The following CAMK1D variants were observed in gnomAD, a reference collection of about 807,000 sequenced individuals.
CAMK1D encodes calcium/calmodulin dependent protein kinase ID.
CAMK1D carries 9 observed loss-of-function variants against 47.7 expected under a neutral mutation model. The ratio of observed to expected loss-of-function variants is 0.19; its 90% confidence interval spans 0.11 to 0.33. The LOEUF (loss-of-function observed/expected upper bound fraction) is 0.33, where lower values mean the gene tolerates loss of function less well. Among genes scored for constraint, CAMK1D ranks in the 10% least tolerant of loss-of-function variants. The pLI, the probability that CAMK1D is intolerant of heterozygous loss-of-function variation, is 1.00. For missense variants in CAMK1D, 291 were observed against 488.7 expected (o/e 0.60, Z 3.81); for synonymous variants, 184 against 184.9 (o/e 0.99, Z 0.04).
At chr10:12,456,844 C>T (rs919044089) in intron 1 of CAMK1D, among the ~76,000 whole-genome samples, 16 of 150,562 alleles carry the variant, frequency 1.1e-4, no homozygotes, top group African/African-American at 3.7e-4. Context: ...ACAGGAGGGG[C>T]ATCTGGTGCC....
At chr10:12,564,609 T>C (rs1016192888) in intron 2 of CAMK1D, among the ~76,000 whole-genome samples, 1 of 152,202 alleles carries the variant, frequency 6.6e-6, no homozygotes, top group Non-Finnish European at 1.5e-5. Flanking sequence ...TTTGGGGGAA[T>C]AAATTTTTTC....
At chr10:12,359,212 A>C (rs1837592547) in intron 1 of CAMK1D, among the ~76,000 whole-genome samples, 1 of 152,144 alleles carries the variant, frequency 6.6e-6, no homozygotes, top group African/African-American at 2.4e-5. Context: ...ACTTGGACCT[A>C]ATGTGAGGCT....
chr10:12,358,220 G>C (rs1205916080), intron 1 of CAMK1D, among the ~76,000 whole-genome samples: 1 of 152,030 alleles, frequency 6.6e-6, no homozygotes, highest in Non-Finnish European at 1.5e-5. Context: ...GAGAGACCGT[G>C]TCCCCATAGA....
rs185329071 is a variant in CAMK1D, at chr10:12,572,195, T to C, written c.224+18839T>C. ...TCCCCACCCAAATTTCATCTCTAAT[T>C]GTAATCCCCATGTGTCAAGGGAGGG... On this transcript the variant is annotated intron_variant, in intron 2 of 10. Coordinates refer to ENST00000619168, the MANE Select transcript of CAMK1D (RefSeq NM_153498.4). Among the ~76,000 whole-genome samples, 578 of 152,244 alleles carry C rather than the reference T, an allele frequency of 3.8e-3. 3 individuals are homozygous for C. The Middle Eastern group carries it at 0.041, about 11-fold the overall frequency.
At chr10:12,814,341 C>A in intron 7 of CAMK1D, 34 bp downstream of exon 7, 1 of 1,380,610 alleles carries the variant, frequency 7.2e-7, no homozygotes, top group African/African-American at 1.4e-5. Context: ...CAGTGGGCGG[C>A]CCCCGCGACA....
chr10:12,658,350 C>T (rs185878381), intron 2 of CAMK1D, among the ~76,000 whole-genome samples: 4 of 144,878 alleles, frequency 2.8e-5, no homozygotes, highest in Admixed American at 6.9e-5. Flanking sequence ...CGAGACCTGC[C>T]GGGGTTCAGT....
intron 3 of CAMK1D, among the ~76,000 whole-genome samples, chr10:12,673,666 T>C (rs1234495166): frequency 1.3e-5 from 2 of 152,262 alleles, no homozygotes; most frequent in Admixed American, 1.3e-4. Context: ...TTTAATAGCA[T>C]AATAATATGT....
intron 1 of CAMK1D, among the ~76,000 whole-genome samples, chr10:12,534,969 G>C (rs1835923170): frequency 6.6e-6 from 1 of 152,188 alleles, no homozygotes; most frequent in Non-Finnish European, 1.5e-5. Context: ...CTGCAAGGTT[G>C]GGAACTAGAG....
At chr10:12,631,493 G>A (rs984394426) in intron 2 of CAMK1D, among the ~76,000 whole-genome samples, 4 of 152,122 alleles carry the variant, frequency 2.6e-5, no homozygotes, top group Admixed American at 6.5e-5. Context: ...TAGCCAATCA[G>A]GTAAAGTGTA....
rs201637786 is a variant in CAMK1D, at chr10:12,666,722, A to C, written c.225-14A>C. On this transcript the variant is annotated splice_polypyrimidine_tract_variant and intron_variant, in intron 2 of 10. Coordinates refer to ENST00000619168, the MANE Select transcript of CAMK1D (RefSeq NM_153498.4). ...ATCATACTCACTATTTTGTGCGTCTATTTTTTTTTTCAGGATTAAGCATGA... is the reference window on the plus strand; with the variant it reads ...ATCATACTCACTATTTTGTGCGTCTCTTTTTTTTTTCAGGATTAAGCATGA... The C allele has an allele frequency of 6.4e-6, 9 of 1,407,990 alleles. No homozygotes were observed. Among genetic ancestry groups the C allele is most frequent in the African/African-American group, 2.9e-5 (2 of 69,022 alleles). 87.2% of individuals were successfully genotyped at this position (1,407,990 alleles called of 1,614,324 possible).
At chr10:12,648,606 GATTACAGGCAT>G (rs1274787580) in intron 2 of CAMK1D, among the ~76,000 whole-genome samples, 15 of 152,112 alleles carry the variant, frequency 9.9e-5, no homozygotes, top group Admixed American at 9.8e-4. Context: ...AAGTAGCTGG[GATTACAGGCAT>G]GCGCCACCAT....
At chr10:12,611,451 C>T (rs550624406) in intron 2 of CAMK1D, among the ~76,000 whole-genome samples, 1 of 152,246 alleles carries the variant, frequency 6.6e-6, no homozygotes, top group African/African-American at 2.4e-5. Context: ...TCCAGGTCTG[C>T]TTCCAGGTGA....
At chr10:12,542,024 A>G (rs888823939) in intron 1 of CAMK1D, among the ~76,000 whole-genome samples, 1 of 151,710 alleles carries the variant, frequency 6.6e-6, no homozygotes, top group Non-Finnish European at 1.5e-5. Context: ...ATAGGCATGC[A>G]CCACCATGGC....
At chr10:12,375,109 T>A (rs1223611950) in intron 1 of CAMK1D, among the ~76,000 whole-genome samples, 1 of 152,116 alleles carries the variant, frequency 6.6e-6, no homozygotes, top group Non-Finnish European at 1.5e-5. Context: ...GCTGTTTTGC[T>A]TTCGGGAAAA....
At chr10:12,695,108 TC>T (rs1360458054) in intron 3 of CAMK1D, among the ~76,000 whole-genome samples, 1 of 151,728 alleles carries the variant, frequency 6.6e-6, no homozygotes, top group Non-Finnish European at 1.5e-5. Context: ...GGTAGATTGA[TC>T]CTATTGGTTC....
intron 3 of CAMK1D, among the ~76,000 whole-genome samples, chr10:12,691,159 T>C (rs1435965531): frequency 6.6e-6 from 1 of 151,730 alleles, no homozygotes; most frequent in South Asian, 2.1e-4. Flanking sequence ...TACTGAAGAC[T>C]GACTGTAAAG....
At chr10:12,742,447 A>G (rs1835473975) in intron 3 of CAMK1D, among the ~76,000 whole-genome samples, 1 of 152,182 alleles carries the variant, frequency 6.6e-6, no homozygotes, top group African/African-American at 2.4e-5. Flanking sequence ...AGCGTAATTT[A>G]TGTACCATAA....
At chr10:12,668,881 CTG>C (rs1448830894) in intron 3 of CAMK1D, among the ~76,000 whole-genome samples, 1 of 151,984 alleles carries the variant, frequency 6.6e-6, no homozygotes. Context: ...TGAGCTTTTT[CTG>C]TCAAGGAATT....
chr10:12,532,766 A>G (rs1410263700), intron 1 of CAMK1D, among the ~76,000 whole-genome samples: 1 of 152,158 alleles, frequency 6.6e-6, no homozygotes, highest in Admixed American at 6.5e-5. Flanking sequence ...CAGCCATAAA[A>G]AGAATACGAT....
Sources: gnomAD v4.1 joint callset for allele counts (sites outside exome capture counted in the v4.1 genomes callset) on GRCh38, gnomAD v4.1.1 for gene constraint, MANE v1.5 for transcripts, NCBI Gene and HGNC (gene_info 2026-07-23, HGNC 2026-07-21) for gene names.